Variants in EPHA6 observed in about 807,000 individuals in gnomAD.
EPHA6 encodes the protein EPH receptor A6.
Under a neutral mutation model 112.0 loss-of-function variants are expected in EPHA6, and 50 were observed. The observed-to-expected ratio is 0.45, with a 90% CI of 0.36 to 0.56. The LOEUF (loss-of-function observed/expected upper bound fraction) is 0.56. Among genes scored for constraint, EPHA6 ranks in the 20% least tolerant of loss-of-function variants. The pLI is 0.00. For synonymous variants in EPHA6, 529 were observed against 490.7 expected, an observed-to-expected ratio of 1.08 and a Z score of -1.03; for missense variants, 1,280 against 1,417.4, an observed-to-expected ratio of 0.90 and a Z score of 1.56.
chr3:96,970,853 T>G (rs773392927), intron 2 of EPHA6, among the ~76,000 whole-genome samples: 18 of 152,220 alleles, frequency 1.2e-4, no homozygotes, highest in Non-Finnish European at 2.1e-4. Context: ...TTAAATCAGC[T>G]TCCTCATCCA....
At chr3:97,297,078 C>T (rs1361540217) in intron 5 of EPHA6, among the ~76,000 whole-genome samples, 1 of 152,132 alleles carries the variant, frequency 6.6e-6, no homozygotes, top group Non-Finnish European at 1.5e-5. Flanking sequence ...ATGTGGTCTC[C>T]AGGCAGGTCC....
chr3:97,668,910 T>TC (rs2030458175), intron 14 of EPHA6, among the ~76,000 whole-genome samples: 1 of 3,936 alleles, frequency 2.5e-4, no homozygotes, highest in Non-Finnish European at 4.6e-4. Context: ...AGACTCTGTC[T>TC]CAAAAAAAAA....
chr3:96,817,937 T>C (rs2032932286), intron 1 of EPHA6, among the ~76,000 whole-genome samples: 1 of 151,904 alleles, frequency 6.6e-6, no homozygotes, highest in Non-Finnish European at 1.5e-5. Context: ...ATAAATCAAT[T>C]TGACTCTCTC....
At chr3:97,241,752 CTTG>C (rs975212954) in intron 4 of EPHA6, among the ~76,000 whole-genome samples, 2 of 124,250 alleles carry the variant, frequency 1.6e-5, no homozygotes, top group Admixed American at 1.7e-4. Context: ...TGTCAGCCTT[CTTG>C]TTTTTTTTTT....
chr3:97,012,815 C>T (rs2044139668), intron 3 of EPHA6, among the ~76,000 whole-genome samples: 1 of 151,428 alleles, frequency 6.6e-6, no homozygotes, highest in African/African-American at 2.4e-5. Context: ...AATGGTATCT[C>T]GTTATTGTTT....
chr3:96,876,734 G>A (rs2036977350), intron 2 of EPHA6, among the ~76,000 whole-genome samples: 1 of 151,888 alleles, frequency 6.6e-6, no homozygotes, highest in African/African-American at 2.4e-5. Context: ...CTGGATATAG[G>A]ACCATGCTTA....
rs555602890 is a variant in EPHA6 at position 97,012,940 on chromosome 3, A to G, written c.1114+24947A>G. 2.6e-5 allele frequency among the ~76,000 whole-genome samples: 4 copies of G among 151,778 alleles called. No homozygotes were observed. The East Asian group carries it at 5.8e-4, about 22-fold the overall frequency. ...TTTGCCCACTTTACTGGGCTTGTTTATTTATTTATTTACACTTGTTGAATT... is the reference window on the plus strand; with the variant it reads ...TTTGCCCACTTTACTGGGCTTGTTTGTTTATTTATTTACACTTGTTGAATT... On this transcript the variant is annotated intron_variant, in intron 3 of 17. Coordinates refer to ENST00000389672, the MANE Select transcript of EPHA6 (RefSeq NM_001080448.3).
intron 3 of EPHA6, among the ~76,000 whole-genome samples, chr3:97,167,600 A>G (rs1440528914): frequency 6.6e-6 from 1 of 152,172 alleles, no homozygotes; most frequent in Non-Finnish European, 1.5e-5. Flanking sequence ...ATTAATAACA[A>G]AGCTAACTAG....
Position 97,715,527 on chromosome 3 carries a change from C to T in EPHA6, c.2785-4734C>T, listed in dbSNP as rs533820988. On this transcript the variant is annotated intron_variant, in intron 14 of 17. Coordinates refer to ENST00000389672, the MANE Select transcript of EPHA6 (RefSeq NM_001080448.3). The stretch of plus-strand genomic sequence containing the variant: ...CAGACAGATTACTGTCTATTCAAAC[C>T]GTTCACCTTCAAGATAACCATCAAA... Among the ~76,000 whole-genome samples, 4 of 152,180 alleles carry T rather than the reference C, an allele frequency of 2.6e-5. No homozygotes were observed. The South Asian group carries it at 6.2e-4, about 24-fold the overall frequency.
intron 14 of EPHA6, among the ~76,000 whole-genome samples, chr3:97,657,425 GGCATTTCAGTA>G (rs1232134817): frequency 2.0e-5 from 3 of 151,784 alleles, no homozygotes; most frequent in Non-Finnish European, 4.4e-5. Context: ...CCATAATCAA[GGCATTTCAGTA>G]GCCCAATATG....
chr3:97,660,049 C>T (rs1576226243), intron 14 of EPHA6, among the ~76,000 whole-genome samples: 1 of 152,026 alleles, frequency 6.6e-6, no homozygotes, highest in South Asian at 2.1e-4. Flanking sequence ...AGAACATTAC[C>T]TTTTCTGTGA....
chr3:96,897,864 A>T (rs2038368900), intron 2 of EPHA6, among the ~76,000 whole-genome samples: 1 of 152,206 alleles, frequency 6.6e-6, no homozygotes, highest in African/African-American at 2.4e-5. Context: ...TGAATTTGGC[A>T]ATTCCTTCCT....
In EPHA6 at chr3:97,063,720, AAAAG is replaced by A. The variant is rs1449705031; in HGVS notation, c.1114+75732_1114+75735del. Among the ~76,000 whole-genome samples the A allele has an allele frequency of 5.9e-5, 9 of 152,242 alleles. No homozygotes were observed. In the East Asian group the frequency reaches 9.6e-4, roughly 16 times the overall value. ...AATTTAAAATAAAATTTAAAAATAT[AAAAG>A]AAAGGACAGGAGAAGCATAAAAAAT... is the stretch of plus-strand genomic sequence containing the variant. On this transcript the variant is annotated intron_variant, in intron 3 of 17. Coordinates refer to ENST00000389672, the MANE Select transcript of EPHA6 (RefSeq NM_001080448.3).
Position 97,385,385 on chromosome 3 carries a change from CTATT to C in EPHA6, c.1607-19762_1607-19759del, listed in dbSNP as rs551981552. 3.1e-3 allele frequency among the ~76,000 whole-genome samples: 478 copies of C among 152,126 alleles called. 2 individuals are homozygous for C. Among genetic ancestry groups the C allele is most frequent in the African/African-American group, 9.8e-3 (408 of 41,498 alleles). ...CAAGATAATCTATATTGTAATAACT[CTATT>C]TAAATATATACTCTTATAACAAAAA... On this transcript the variant is annotated intron_variant, in intron 5 of 17. Coordinates refer to ENST00000389672, the MANE Select transcript of EPHA6 (RefSeq NM_001080448.3).
intron 3 of EPHA6, among the ~76,000 whole-genome samples, chr3:97,101,915 A>G (rs1050524864): frequency 1.3e-5 from 2 of 151,972 alleles, no homozygotes; most frequent in African/African-American, 4.8e-5. Flanking sequence ...CAAATATCTT[A>G]ACTACTCTAA....
At chr3:97,392,021 C>T (rs1042339885) in intron 5 of EPHA6, among the ~76,000 whole-genome samples, 1 of 151,754 alleles carries the variant, frequency 6.6e-6, no homozygotes, top group Non-Finnish European at 1.5e-5. Flanking sequence ...GTTTAAGACA[C>T]TCTTGAAGCC....
intron 2 of EPHA6, among the ~76,000 whole-genome samples, chr3:96,946,070 T>C (rs1033483480): frequency 1.7e-4 from 26 of 152,196 alleles, no homozygotes; most frequent in Non-Finnish European, 3.1e-4. Context: ...GAATATTATG[T>C]AGTTTCAATC....
intron 5 of EPHA6, among the ~76,000 whole-genome samples, chr3:97,279,851 A>G (rs1444280821): frequency 6.6e-6 from 1 of 152,162 alleles, no homozygotes; most frequent in Admixed American, 6.5e-5. Flanking sequence ...CAATAATTAT[A>G]TGCTCCCTAG....
intron 2 of EPHA6, among the ~76,000 whole-genome samples, chr3:96,896,451 A>G (rs1200916318): frequency 6.6e-6 from 1 of 152,128 alleles, no homozygotes; most frequent in Non-Finnish European, 1.5e-5. Context: ...GGGCAATGAA[A>G]TGGTGTAAAA....
Sources: allele counts gnomAD v4.1 joint callset (sites outside exome capture counted in the v4.1 genomes callset), GRCh38; gene constraint gnomAD v4.1.1; transcripts MANE v1.5; gene names NCBI Gene and HGNC (gene_info 2026-07-23, HGNC 2026-07-21).